The following DHX9 variants were observed in gnomAD, a reference collection of about 807,000 sequenced individuals.
DHX9 encodes the protein ATP-dependent RNA helicase A.
DHX9 carries 27 observed loss-of-function variants against 148.7 expected under a neutral mutation model. The observed-to-expected ratio is 0.18, with a 90% CI of 0.13 to 0.25. The LOEUF (loss-of-function observed/expected upper bound fraction) is 0.25. DHX9 is among the 10% of genes least tolerant of loss of function. The pLI, the probability that DHX9 is intolerant of heterozygous loss-of-function variation, is 1.00. For synonymous variants in DHX9, 529 were observed against 516.6 expected, an observed-to-expected ratio of 1.02 and a Z score of -0.33; for missense variants, 796 against 1,559.6, an observed-to-expected ratio of 0.51 and a Z score of 8.25.
intron 6 of DHX9, chr1:182,855,802 G>C (rs746292428): frequency 2.8e-5 from 26 of 920,184 alleles, no homozygotes; most frequent in Non-Finnish European, 2.1e-5. Context: ...CCAAGTCTAG[G>C]TTAGAATGTA....
At chr1:182,883,996 G>A (rs1292358192) in intron 26 of DHX9, among the ~76,000 whole-genome samples, 1 of 152,068 alleles carries the variant, frequency 6.6e-6, no homozygotes, top group African/African-American at 2.4e-5. Flanking sequence ...CAGTATTCTG[G>A]GTCTCTTAAA....
At chr1:182,853,795 T>A (rs999688651) in intron 5 of DHX9, among the ~76,000 whole-genome samples, 3 of 139,886 alleles carry the variant, frequency 2.1e-5, no homozygotes, top group African/African-American at 8.8e-5. Context: ...AAGTTGTCAT[T>A]TTTTTTTTTT....
rs142698184 is a variant in DHX9, at chr1:182,866,527, C to T, written c.1416C>T (p.Ser472=). ...GEEPGKSCGY[S]VRFESILPRP... is the part of the protein sequence containing the mutation. Reference sequence around the variant, plus strand: ...AGCCTGGAAAAAGCTGTGGCTACAGCGTTCGATTTGAGTCTATACTTCCTC... The same window carrying T: ...AGCCTGGAAAAAGCTGTGGCTACAGTGTTCGATTTGAGTCTATACTTCCTC... The change falls in exon 13 of 28, where the codon AGC becomes AGT. Residue 472 remains serine, a synonymous_variant. Coordinates refer to ENST00000367549, the MANE Select transcript of DHX9 (RefSeq NM_001357.5). The T allele has an allele frequency of 2.7e-3, 4,327 of 1,614,086 alleles. 110 individuals are homozygous for T. The East Asian group carries it at 0.059, about 22-fold the overall frequency.
Position 182,878,016 on chromosome 1 carries a change from T to C in DHX9, c.2199-5T>C. The C allele has an allele frequency of 1.2e-6, 2 of 1,614,144 alleles. No individual in the cohort carries two copies. The highest frequency in any genetic ancestry group is 1.1e-5 in the South Asian group (1 of 91,086). ...TCTTAGAATTAACCACTTTTTCCTA[T>C]GTAGGCAGAAAGTGAAACTCTTCAC... is the stretch of plus-strand genomic sequence containing the variant. On this transcript the variant is annotated splice_polypyrimidine_tract_variant and splice_region_variant and intron_variant, in intron 19 of 27. Transcript: ENST00000367549.
intron 6 of DHX9, among the ~76,000 whole-genome samples, chr1:182,854,459 A>G (rs1668218676): frequency 6.6e-6 from 1 of 152,198 alleles, no homozygotes; most frequent in Non-Finnish European, 1.5e-5. Context: ...AAAAGTCATG[A>G]CCACAATTGC....
At position 182,877,028 on chromosome 1, in the gene DHX9, G is replaced by C. The variant is rs1648833820; in HGVS notation, c.2198+125G>C. Reference sequence around the variant, plus strand: ...GTTCTTAAATCTCCAAAATTATTGTGCATCTATATAGCATTATAGGTAATT... The same window carrying C: ...GTTCTTAAATCTCCAAAATTATTGTCCATCTATATAGCATTATAGGTAATT... On this transcript the variant is annotated intron_variant, in intron 19 of 27. Coordinates refer to ENST00000367549, the MANE Select transcript of DHX9 (RefSeq NM_001357.5). The C allele has an allele frequency of 4.8e-6, 3 of 624,750 alleles. No individual in the cohort carries two copies. The African/African-American group carries it at 5.6e-5, about 12-fold the overall frequency. The allele number at this position is 624,750 out of a possible 1,614,324, so 38.7% of individuals were successfully genotyped here.
chr1:182,869,583 A>G (rs879644945), intron 14 of DHX9, among the ~76,000 whole-genome samples: 1 of 151,764 alleles, frequency 6.6e-6, no homozygotes, highest in South Asian at 2.1e-4. Context: ...AGTGTTGTCT[A>G]GTTTGGTCTG....
chr1:182,878,981 A>G (rs755779287), intron 20 of DHX9, among the ~76,000 whole-genome samples: 3 of 152,264 alleles, frequency 2.0e-5, no homozygotes, highest in Non-Finnish European at 4.4e-5. Flanking sequence ...GGTGGAGCTA[A>G]TAACATTCGC....
At chr1:182,852,193 G>T in intron 3 of DHX9, 40 bp from the exon 4 acceptor site, 1 of 1,407,032 alleles carries the variant, frequency 7.1e-7, no homozygotes. Flanking sequence ...CCCCGTGAAG[G>T]CAAAAGCACT....
intron 20 of DHX9, 135 bp downstream of exon 20, chr1:182,878,308 T>A: frequency 2.0e-6 from 2 of 978,428 alleles, no homozygotes; most frequent in East Asian, 2.6e-5. Flanking sequence ...GGTGTAAATG[T>A]TTCGTAAGAA....
At chr1:182,876,747 AT>A in intron 18 of DHX9, 82 bp from the exon 19 acceptor site, 1 of 1,099,964 alleles carries the variant, frequency 9.1e-7, no homozygotes, top group African/African-American at 1.6e-5. Context: ...TTTTCTTGTC[AT>A]TTGTTACATA....
intron 3 of DHX9, among the ~76,000 whole-genome samples, chr1:182,848,647 C>A (rs910353006): frequency 6.6e-6 from 1 of 152,170 alleles, no homozygotes; most frequent in Non-Finnish European, 1.5e-5. Context: ...CTACTTTTAA[C>A]CCCACTGTAT....
intron 6 of DHX9, among the ~76,000 whole-genome samples, chr1:182,854,526 C>G (rs942822104): frequency 6.6e-6 from 1 of 151,694 alleles, no homozygotes; most frequent in Non-Finnish European, 1.5e-5. Flanking sequence ...TTTTTTTCAC[C>G]TTGGTATTGT....
rs150203438 is a variant in DHX9 at position 182,843,716 on chromosome 1, A to T, written c.252+282A>T. On this transcript the variant is annotated intron_variant, in intron 3 of 27. Transcript: ENST00000367549. ...TACACCAGAAATTTCAGAGTCTGTT[A>T]TGTTCCATTCATTACCAATGATAAT... Among the ~76,000 whole-genome samples the T allele has an allele frequency of 1.5e-3, 226 of 152,270 alleles. 2 individuals are homozygous for T. Among genetic ancestry groups the T allele is most frequent in the African/African-American group, 5.2e-3 (217 of 41,544 alleles).
chr1:182,839,734 T>C (rs1466535406), intron 1 of DHX9: 1 of 152,356 alleles, frequency 6.6e-6, no homozygotes, highest in Non-Finnish European at 1.5e-5. Flanking sequence ...CGCTTCCTCC[T>C]CTGGCCTGCG....
rs1429802106 is a variant in DHX9, at chr1:182,887,729, A to T, written c.*295A>T. 6 of 315,570 alleles carry T rather than the reference A, an allele frequency of 1.9e-5. No individual in the cohort carries two copies. The Admixed American group carries it at 2.7e-4, about 14-fold the overall frequency. 19.5% of individuals were successfully genotyped at this position (315,570 alleles called of 1,614,324 possible). On this transcript the variant is annotated 3_prime_UTR_variant, in exon 28 of 28. Coordinates refer to ENST00000367549, the MANE Select transcript of DHX9 (RefSeq NM_001357.5). ...TCCTGGCTTTCGTTTAATACAATAGAAAATAAAGTATTACACCGAATACTT... is the reference window on the plus strand; with the variant it reads ...TCCTGGCTTTCGTTTAATACAATAGTAAATAAAGTATTACACCGAATACTT...
In DHX9 at chr1:182,876,036, CCT is replaced by C; in HGVS notation, c.1816-13_1816-12del. On this transcript the variant is annotated splice_polypyrimidine_tract_variant and intron_variant, in intron 16 of 27. Coordinates refer to ENST00000367549, the MANE Select transcript of DHX9 (RefSeq NM_001357.5). ...CTGAGACAATCCAAAAATATGTCTC[CCT>C]GTTTTTTACAGGCAAATTGCAACTT... is the stretch of plus-strand genomic sequence containing the variant. 2.5e-6 allele frequency: 4 copies of C among 1,610,730 alleles called. No individual in the cohort carries two copies. Among genetic ancestry groups the C allele is most frequent in the Non-Finnish European group, 3.4e-6 (4 of 1,177,814 alleles).
chr1:182,876,424 G>C (rs1277683932), intron 17 of DHX9, 23 bp from the exon 18 acceptor site: 5 of 1,603,812 alleles, frequency 3.1e-6, no homozygotes, highest in Admixed American at 3.3e-5. Flanking sequence ...TTTAGTCCCT[G>C]ATTGTTCTTT....
intron 4 of DHX9, among the ~76,000 whole-genome samples, chr1:182,853,043 C>T (rs1003600895): frequency 7.9e-6 from 1 of 127,244 alleles, no homozygotes; most frequent in Non-Finnish European, 1.6e-5. Flanking sequence ...TCTCTCACCT[C>T]AGCCTCTCTA....
Sources: gnomAD v4.1 joint callset for allele counts (sites outside exome capture counted in the v4.1 genomes callset) on GRCh38, gnomAD v4.1.1 for gene constraint, MANE v1.5 for transcripts, NCBI Gene and HGNC (gene_info 2026-07-23, HGNC 2026-07-21) for gene names.